Variants in DLG2 observed in about 807,000 individuals in gnomAD.
DLG2 encodes the protein disks large homolog 2.
A neutral mutation model predicts 132.5 loss-of-function variants in DLG2; 45 were observed. The observed-to-expected ratio is 0.34, with a 90% CI of 0.27 to 0.44. The LOEUF is 0.44. Ranked by LOEUF, DLG2 falls within the 20% of genes least tolerant of loss-of-function variation. DLG2 has a pLI of 1.00. For missense variants in DLG2, 1,045 were observed against 1,196.9 expected (o/e 0.87, Z 1.87); for synonymous variants, 424 against 419.6 (o/e 1.01, Z -0.13).
At chr11:84,655,545 A>G (rs930464869) in intron 6 of DLG2, among the ~76,000 whole-genome samples, 1 of 152,170 alleles carries the variant, frequency 6.6e-6, no homozygotes, top group Admixed American at 6.5e-5. Flanking sequence ...AAATATTCAG[A>G]AGAAAGGGCC....
At position 84,502,596 on chromosome 11, in the gene DLG2, C is replaced by T. The variant is rs2099223897; in HGVS notation, c.519+31974G>A. Reference sequence around the variant, plus strand: ...ATTTTTTAGTAGAGATGGTGTTTCACCATGTTGACCAGGCTAATTTCGAAC... The same window carrying T: ...ATTTTTTAGTAGAGATGGTGTTTCATCATGTTGACCAGGCTAATTTCGAAC... On this transcript the variant is annotated intron_variant, in intron 7 of 27. Transcript: ENST00000376104. Among the ~76,000 whole-genome samples, 2 of 151,372 alleles carry T rather than the reference C, an allele frequency of 1.3e-5. 1 individual carries two copies. Among genetic ancestry groups the T allele is most frequent in the South Asian group, 4.2e-4 (2 of 4,806 alleles).
chr11:83,818,959 ATCTTTT>A (rs2049899234), intron 17 of DLG2, among the ~76,000 whole-genome samples: 1 of 152,202 alleles, frequency 6.6e-6, no homozygotes, highest in Non-Finnish European at 1.5e-5. Context: ...ATCCACTGCC[ATCTTTT>A]TGAGGCATAA....
chr11:85,608,213 T>G (rs181140312), intron 2 of DLG2, among the ~76,000 whole-genome samples: 2 of 152,186 alleles, frequency 1.3e-5, no homozygotes, highest in African/African-American at 2.4e-5. Flanking sequence ...GGTTTTGTCT[T>G]TCAGATGGGA....
chr11:84,541,872 T>C (rs2099373121), intron 6 of DLG2, among the ~76,000 whole-genome samples: 2 of 152,154 alleles, frequency 1.3e-5, no homozygotes, highest in South Asian at 4.1e-4. Flanking sequence ...TACATTCTGC[T>C]GATGCTTGTG....
intron 13 of DLG2, among the ~76,000 whole-genome samples, chr11:83,963,515 A>G (rs1398171621): frequency 1.3e-5 from 2 of 151,650 alleles, no homozygotes; most frequent in Admixed American, 1.3e-4. Flanking sequence ...CCTCCTTCCT[A>G]ATGTATCTCC....
intron 9 of DLG2, among the ~76,000 whole-genome samples, chr11:84,107,180 CACACAAAAAA>C (rs1259810875): frequency 6.6e-6 from 1 of 151,778 alleles, no homozygotes; most frequent in Non-Finnish European, 1.5e-5. Context: ...GAGAAGAGAG[CACACAAAAAA>C]ACATAATCTT....
chr11:83,590,661 A>G (rs1032482549), intron 19 of DLG2, among the ~76,000 whole-genome samples: 2 of 152,244 alleles, frequency 1.3e-5, no homozygotes, highest in African/African-American at 4.8e-5. Flanking sequence ...TGAAGGTAAT[A>G]GAGACACCAA....
At chr11:85,001,614 T>C (rs182614429) in intron 6 of DLG2, among the ~76,000 whole-genome samples, 55 of 152,304 alleles carry the variant, frequency 3.6e-4, no homozygotes, top group African/African-American at 1.3e-3. Flanking sequence ...TAAAAATTAC[T>C]GATAAATGGG....
chr11:84,791,236 C>A (rs2073803492), intron 6 of DLG2, among the ~76,000 whole-genome samples: 1 of 152,162 alleles, frequency 6.6e-6, no homozygotes, highest in Non-Finnish European at 1.5e-5. Context: ...TCCCTCAACA[C>A]CAGCTGAAGA....
intron 6 of DLG2, among the ~76,000 whole-genome samples, chr11:84,857,374 C>G (rs547776434): frequency 2.1e-4 from 31 of 150,664 alleles, no homozygotes; most frequent in Non-Finnish European, 4.3e-4. Flanking sequence ...TGCAAAATAG[C>G]TAGCACAGTG....
intron 6 of DLG2, among the ~76,000 whole-genome samples, chr11:84,974,331 T>A (rs940459875): frequency 6.6e-5 from 10 of 152,318 alleles, no homozygotes; most frequent in Non-Finnish European, 1.3e-4. Flanking sequence ...CAGTTAAGAA[T>A]TGGGAAACTA....
intron 7 of DLG2, among the ~76,000 whole-genome samples, chr11:84,353,841 C>T (rs1478207843): frequency 2.0e-5 from 3 of 152,112 alleles, no homozygotes; most frequent in African/African-American, 4.8e-5. Context: ...ATTTATTTTA[C>T]CTAACCAACT....
chr11:84,228,457 T>C lies in DLG2; in HGVS notation c.573+22781A>G, dbSNP rs113530736. On this transcript the variant is annotated intron_variant, in intron 8 of 27. Coordinates refer to ENST00000376104, the MANE Select transcript of DLG2 (RefSeq NM_001142699.3). Reference sequence around the variant, plus strand: ...TCAGAATTTTACTCCCAACTATGTATTGCCAATTTATATGTAGCTCATGCC... The same window carrying C: ...TCAGAATTTTACTCCCAACTATGTACTGCCAATTTATATGTAGCTCATGCC... 9.5e-4 allele frequency among the ~76,000 whole-genome samples: 144 copies of C among 152,310 alleles called. 1 individual carries two copies. Among genetic ancestry groups the C allele is most frequent in the African/African-American group, 3.2e-3 (133 of 41,576 alleles).
intron 19 of DLG2, among the ~76,000 whole-genome samples, chr11:83,613,136 A>G (rs2060345433): frequency 1.3e-5 from 2 of 152,288 alleles, no homozygotes; most frequent in Admixed American, 6.5e-5. Flanking sequence ...ACAAGAACAC[A>G]GAGGGGAAAA....
rs575280611 is a variant in DLG2 at position 84,652,674 on chromosome 11, G to A, written c.358-117943C>T. ...CAAGAAAAATAAAATTAATTATCAT[G>A]TTTAATACTTACTGAATACCAGGGA... On this transcript the variant is annotated intron_variant, in intron 6 of 27. Transcript: ENST00000376104. Among the ~76,000 whole-genome samples, 345 of 152,254 alleles carry A rather than the reference G, an allele frequency of 2.3e-3. 1 individual carries two copies. The highest frequency in any genetic ancestry group is 7.5e-3 in the African/African-American group (310 of 41,544).
chr11:84,452,953 A>G (rs1186613889), intron 7 of DLG2, among the ~76,000 whole-genome samples: 2 of 151,726 alleles, frequency 1.3e-5, no homozygotes, highest in Non-Finnish European at 2.9e-5. Context: ...TTTAAAAAAT[A>G]CAGAAAAGAT....
intron 12 of DLG2, among the ~76,000 whole-genome samples, chr11:83,966,740 T>G (rs34826061): frequency 0.043 from 6,467 of 152,164 alleles, 198 homozygotes; most frequent in Non-Finnish European, 0.067. Context: ...AGTTATAATT[T>G]TTTGTGACAA....
At chr11:85,491,186 A>G (rs1223426302) in intron 3 of DLG2, among the ~76,000 whole-genome samples, 3 of 152,132 alleles carry the variant, frequency 2.0e-5, no homozygotes, top group Non-Finnish European at 4.4e-5. Flanking sequence ...GTTCATTTCA[A>G]TAGATATAGA....
chr11:85,110,898 C>G (rs1349673025), intron 6 of DLG2, among the ~76,000 whole-genome samples: 2 of 152,088 alleles, frequency 1.3e-5, no homozygotes, highest in African/African-American at 2.4e-5. Flanking sequence ...CCATCATACA[C>G]AAATTATTTC....
Sources: allele counts gnomAD v4.1 joint callset (sites outside exome capture counted in the v4.1 genomes callset), GRCh38; gene constraint gnomAD v4.1.1; transcripts MANE v1.5; gene names NCBI Gene and HGNC (gene_info 2026-07-23, HGNC 2026-07-21).